Variants in KCNK13 observed in about 807,000 individuals in gnomAD.
KCNK13 encodes the protein potassium channel subfamily K member 13.
KCNK13 carries 12 observed loss-of-function variants against 23.4 expected under a neutral mutation model. The ratio of observed to expected loss-of-function variants is 0.51; its 90% confidence interval spans 0.33 to 0.83. KCNK13 has a LOEUF of 0.83. Among genes scored for constraint, KCNK13 ranks in the 40% least tolerant of loss-of-function variants. The pLI, the probability that KCNK13 is intolerant of heterozygous loss-of-function variation, is 0.02. For synonymous variants in KCNK13, 231 were observed against 229.5 expected (o/e 1.01, Z -0.06); for missense variants, 463 against 556.3 (o/e 0.83, Z 1.69).
At chr14:90,110,126 C>T (rs984814838) in intron 1 of KCNK13, among the ~76,000 whole-genome samples, 1 of 152,214 alleles carries the variant, frequency 6.6e-6, no homozygotes, top group Non-Finnish European at 1.5e-5. Context: ...CCTGTAGGGG[C>T]AGCGTTGCCC....
chr14:90,184,689 G>A lies in KCNK13; in HGVS notation c.913G>A (p.Gly305Arg), dbSNP rs3814848. ...DSGCCPQCQR[G>R]LLRSRRNVVM... The stretch of plus-strand genomic sequence containing the variant: ...CGGGTGCTGCCCGCAATGCCAGAGA[G>A]GACTCTTGCGATCACGCAGGAACGT... The change falls in exon 2 of 2, where the codon GGA becomes AGA. Residue 305 changes from glycine (G) to arginine (R), a missense_variant. Gly to Arg is a moderately radical substitution (Grantham distance 125). Transcript: ENST00000282146. This position sits in a 1 kb window ranked among gnomAD's most constrained non-coding sequence, Gnocchi z 5.6. 117,824 of 1,614,126 alleles carry A rather than the reference G, an allele frequency of 0.073. 7,099 individuals carry two copies. The highest frequency in any genetic ancestry group is 0.29 in the African/African-American group (21,817 of 75,014).
chr14:90,126,432 TGTGACGTGATGTGACGTGACGTGAC>T (rs1222534371), intron 1 of KCNK13, among the ~76,000 whole-genome samples: 6 of 99,130 alleles, frequency 6.1e-5, no homozygotes, highest in Admixed American at 2.7e-4. Flanking sequence ...ATCCCCTTGA[TGTGACGTGATGTGACGTGACGTGAC>T]GTGACGTGAC....
rs558984539 is a variant in KCNK13 at position 90,104,515 on chromosome 14, G to T, written c.334+41976G>T. Reference sequence around the variant, plus strand: ...CTGTCACACATACATTCCTATCTTTGGGGACTCTTGGGATTTGCTTGATAA... The same window carrying T: ...CTGTCACACATACATTCCTATCTTTTGGGACTCTTGGGATTTGCTTGATAA... On this transcript the variant is annotated intron_variant, in intron 1 of 1. Coordinates refer to ENST00000282146, the MANE Select transcript of KCNK13 (RefSeq NM_022054.4). Among the ~76,000 whole-genome samples, 5 of 152,258 alleles carry T rather than the reference G, an allele frequency of 3.3e-5. No homozygotes were observed. The East Asian group carries it at 9.7e-4, about 29-fold the overall frequency.
rs1360539583 is a variant in KCNK13 at position 90,133,980 on chromosome 14, G to T, written c.335-50131G>T. Among the ~76,000 whole-genome samples, 3 of 152,144 alleles carry T rather than the reference G, an allele frequency of 2.0e-5. No homozygotes were observed. In the East Asian group the frequency reaches 5.8e-4, roughly 29 times the overall value. On this transcript the variant is annotated intron_variant, in intron 1 of 1. Transcript: ENST00000282146. ...TCCATATTCCCAGGGCCTACCTCGG[G>T]TCGGGCACCAATTATGTGTATCAAG...
At position 90,154,780 on chromosome 14, in the gene KCNK13, ACC is replaced by A. The variant is rs1205421109; in HGVS notation, c.335-29329_335-29328del. ...AAAATTTTCCCTTGGACACTTGCTT[ACC>A]CTATTAATTTTATTAATTTAATTAG... is the stretch of plus-strand genomic sequence containing the variant. On this transcript the variant is annotated intron_variant, in intron 1 of 1. Coordinates refer to ENST00000282146, the MANE Select transcript of KCNK13 (RefSeq NM_022054.4). Among the ~76,000 whole-genome samples, 1,031 of 152,370 alleles carry A rather than the reference ACC, an allele frequency of 6.8e-3. 10 individuals are homozygous for A. The highest frequency in any genetic ancestry group is 0.023 in the African/African-American group (951 of 41,576).
rs76284174 is a variant in KCNK13, at chr14:90,067,429, A to T, written c.334+4890A>T. Reference sequence around the variant, plus strand: ...ATAGGCAAATTCATAGAGATAAATTAAAATACAGGTTACCAGGGGCTGAGG... The same window carrying T: ...ATAGGCAAATTCATAGAGATAAATTTAAATACAGGTTACCAGGGGCTGAGG... On this transcript the variant is annotated intron_variant, in intron 1 of 1. Coordinates refer to ENST00000282146, the MANE Select transcript of KCNK13 (RefSeq NM_022054.4). Among the ~76,000 whole-genome samples, 890 of 152,326 alleles carry T rather than the reference A, an allele frequency of 5.8e-3. 4 individuals are homozygous for T. Among genetic ancestry groups the T allele is most frequent in the Non-Finnish European group, 9.9e-3 (672 of 68,020 alleles).
chr14:90,099,310 A>G (rs1424860770), intron 1 of KCNK13, among the ~76,000 whole-genome samples: 1 of 152,142 alleles, frequency 6.6e-6, no homozygotes, highest in Non-Finnish European at 1.5e-5. Context: ...TGTTAGGAGT[A>G]ACGGCCGGTG....
At chr14:90,136,026 C>T (rs1407014981) in intron 1 of KCNK13, among the ~76,000 whole-genome samples, 2 of 152,082 alleles carry the variant, frequency 1.3e-5, no homozygotes. Flanking sequence ...CACACACACA[C>T]CTGGCCCGGG....
At chr14:90,147,397 G>A (rs145793781) in intron 1 of KCNK13, among the ~76,000 whole-genome samples, 56 of 150,024 alleles carry the variant, frequency 3.7e-4, no homozygotes, top group Non-Finnish European at 7.1e-4. Flanking sequence ...CTACAGACAT[G>A]CTACCACACC....
chr14:90,155,888 A>G (rs566973653), intron 1 of KCNK13, among the ~76,000 whole-genome samples: 1 of 152,252 alleles, frequency 6.6e-6, no homozygotes, highest in East Asian at 1.9e-4. Flanking sequence ...GTTCGGCAGA[A>G]TGAGTTCAAA....
intron 1 of KCNK13, among the ~76,000 whole-genome samples, chr14:90,144,892 T>C (rs1164833304): frequency 6.6e-6 from 1 of 152,132 alleles, no homozygotes; most frequent in Non-Finnish European, 1.5e-5. Context: ...GGGGAAAGCA[T>C]TGTCTCTCAT....
At chr14:90,085,815 T>C (rs1441640874) in intron 1 of KCNK13, among the ~76,000 whole-genome samples, 1 of 17,956 alleles carries the variant, frequency 5.6e-5, no homozygotes, top group Non-Finnish European at 9.4e-5. Context: ...TATTATATTA[T>C]ATATTATATA....
intron 1 of KCNK13, among the ~76,000 whole-genome samples, chr14:90,082,505 T>G (rs1385710254): frequency 6.6e-6 from 1 of 152,216 alleles, no homozygotes; most frequent in East Asian, 1.9e-4. Context: ...TTCTGGACAT[T>G]TCATATAAAT....
At chr14:90,085,961 G>A (rs1391813025) in intron 1 of KCNK13, among the ~76,000 whole-genome samples, 9 of 149,034 alleles carry the variant, frequency 6.0e-5, no homozygotes, top group African/African-American at 2.2e-4. Flanking sequence ...TAATACTATA[G>A]ATCTATAGAA....
At position 90,178,977 on chromosome 14, in the gene KCNK13, T is replaced by A. The variant is rs79727124; in HGVS notation, c.335-5134T>A. 2.4e-3 allele frequency among the ~76,000 whole-genome samples: 364 copies of A among 152,356 alleles called. 2 individuals are homozygous for A. Among genetic ancestry groups the A allele is most frequent in the African/African-American group, 8.0e-3 (334 of 41,596 alleles). ...TGGGTGCAGCCTGTTGGATCTTGAT[T>A]CATACAAATCATCCGTAAAAAGATA... On this transcript the variant is annotated intron_variant, in intron 1 of 1. Transcript: ENST00000282146.
At chr14:90,125,523 G>A (rs975402363) in intron 1 of KCNK13, among the ~76,000 whole-genome samples, 2 of 151,332 alleles carry the variant, frequency 1.3e-5, no homozygotes, top group African/African-American at 2.4e-5. Flanking sequence ...TTGCCCAGCC[G>A]ATCTACTTAA....
At chr14:90,095,513 G>A (rs1355740143) in intron 1 of KCNK13, among the ~76,000 whole-genome samples, 2 of 151,054 alleles carry the variant, frequency 1.3e-5, no homozygotes, top group East Asian at 3.9e-4. Context: ...TTTTTTTTCA[G>A]ATGTGTTTGG....
chr14:90,070,907 A>G lies in KCNK13; in HGVS notation c.334+8368A>G, dbSNP rs561496128. On this transcript the variant is annotated intron_variant, in intron 1 of 1. Transcript: ENST00000282146. ...GGCCATACCTCTTCCAGCTTCTAAA[A>G]TTTCGTGGGGAAGCTCAGACAGTCC... Among the ~76,000 whole-genome samples the G allele has an allele frequency of 5.3e-5, 8 of 152,242 alleles. No homozygotes were observed. The East Asian group carries it at 1.4e-3, about 26-fold the overall frequency.
At chr14:90,174,671 T>G (rs1424399473) in intron 1 of KCNK13, among the ~76,000 whole-genome samples, 3 of 152,082 alleles carry the variant, frequency 2.0e-5, no homozygotes. Flanking sequence ...CTGGGCAACA[T>G]AGTGAGACTT....
Sources: gnomAD v4.1 joint callset for allele counts (sites outside exome capture counted in the v4.1 genomes callset) on GRCh38, gnomAD v4.1.1 for gene constraint, Gnocchi (gnomAD v3.1) non-coding constraint, MANE v1.5 for transcripts, NCBI Gene and HGNC (gene_info 2026-07-23, HGNC 2026-07-21) for gene names.